Variants in DOCK2 observed in about 807,000 individuals in gnomAD.
DOCK2 encodes the protein dedicator of cytokinesis 2.
A neutral mutation model predicts 248.9 loss-of-function variants in DOCK2; 87 were observed. The ratio of observed to expected loss-of-function variants is 0.35; its 90% CI spans 0.29 to 0.42. The LOEUF (loss-of-function observed/expected upper bound fraction) is 0.42, where lower values mean the gene tolerates loss of function less well. Among genes scored for constraint, DOCK2 ranks in the 10% least tolerant of loss-of-function variants. The pLI is 1.00. For synonymous variants in DOCK2, 805 were observed against 821.6 expected (o/e 0.98, Z 0.35); for missense variants, 1,747 against 2,300.2 (o/e 0.76, Z 4.92).
At chr5:169,910,484 G>A (rs1774532887) in intron 27 of DOCK2, among the ~76,000 whole-genome samples, 1 of 152,164 alleles carries the variant, frequency 6.6e-6, no homozygotes, top group African/African-American at 2.4e-5. Flanking sequence ...TGTGGTTGGA[G>A]GCGTGCTTAC....
In DOCK2 at chr5:169,747,478, C is replaced by G; in HGVS notation, c.2350C>G (p.Gln784Glu). The change falls in exon 23 of 52, where the codon CAA (glutamine) becomes GAA (glutamate). Residue 784 changes from glutamine (Q) to glutamate (E), a missense_variant. This residue lies in a region of DOCK2 where 858 missense variants were observed against 1,183.5 expected (regional missense o/e 0.72). Transcript: ENST00000520908. ...FESINNLMKS[Q>E]YKTTILLQVA... ...ATCCATCAACAATCTGATGAAAAGT[C>G]AATACAAAACTACCATCCTTTTGCA... 4 of 1,613,464 alleles carry G rather than the reference C, an allele frequency of 2.5e-6. No homozygotes were observed. Among genetic ancestry groups the G allele is most frequent in the Non-Finnish European group, 3.4e-6 (4 of 1,179,758 alleles).
At chr5:169,922,157 C>G (rs112448323) in intron 27 of DOCK2, among the ~76,000 whole-genome samples, 3,486 of 152,302 alleles carry the variant, frequency 0.023, 55 homozygotes, top group Middle Eastern at 0.065. Context: ...TCAATATTTG[C>G]ATAGCTAGGG....
intron 44 of DOCK2, among the ~76,000 whole-genome samples, chr5:170,061,093 C>A (rs1283332927): frequency 6.6e-6 from 1 of 152,236 alleles, no homozygotes; most frequent in Non-Finnish European, 1.5e-5. Flanking sequence ...AGATCACTTT[C>A]TCTTTCATCT....
At chr5:169,864,906 G>A (rs1771446166) in intron 27 of DOCK2, among the ~76,000 whole-genome samples, 1 of 152,160 alleles carries the variant, frequency 6.6e-6, no homozygotes, top group African/African-American at 2.4e-5. Context: ...GCTTTCTTTG[G>A]AATTAATGTG....
chr5:170,081,775 T>A, intron 50 of DOCK2, 67 bp from the exon 51 acceptor site: 56 of 937,460 alleles, frequency 6.0e-5, no homozygotes, highest in Non-Finnish European at 7.5e-5. Context: ...TCCCCCTGTC[T>A]ACCTCCCCCA....
At chr5:169,983,038 A>C (rs755165028) in intron 27 of DOCK2, 30 bp from the exon 28 acceptor site, 1 of 1,610,580 alleles carries the variant, frequency 6.2e-7, no homozygotes, top group African/African-American at 1.3e-5. Flanking sequence ...TCTCTCAACT[A>C]TTTATAGTAT....
intron 27 of DOCK2, among the ~76,000 whole-genome samples, chr5:169,879,300 A>G (rs1772504429): frequency 2.0e-5 from 3 of 152,042 alleles, no homozygotes; most frequent in Admixed American, 2.0e-4. Flanking sequence ...CACATCACTT[A>G]TTCATTCGTT....
chr5:169,906,662 T>C (rs751132018), intron 27 of DOCK2, among the ~76,000 whole-genome samples: 25 of 152,162 alleles, frequency 1.6e-4, no homozygotes, highest in Non-Finnish European at 2.9e-4. Context: ...ACAAATTACC[T>C]TGATGAAAGT....
chr5:169,666,897 G>A (rs531085533), intron 2 of DOCK2, among the ~76,000 whole-genome samples: 244 of 152,326 alleles, frequency 1.6e-3, no homozygotes, highest in Non-Finnish European at 3.0e-3. Context: ...CATAGTTGGT[G>A]CACAATTAAT....
At chr5:169,862,164 C>T (rs996713195) in intron 27 of DOCK2, among the ~76,000 whole-genome samples, 3 of 152,142 alleles carry the variant, frequency 2.0e-5, no homozygotes, top group Admixed American at 6.5e-5. Context: ...TAATGTGGAA[C>T]GTGCTAAGAG....
At chr5:169,886,387 A>G (rs1324164495) in intron 27 of DOCK2, among the ~76,000 whole-genome samples, 3 of 152,220 alleles carry the variant, frequency 2.0e-5, no homozygotes, top group African/African-American at 4.8e-5. Flanking sequence ...CTATGTTTCA[A>G]TGACTTTGTG....
intron 27 of DOCK2, among the ~76,000 whole-genome samples, chr5:169,858,429 C>T (rs1771009791): frequency 1.3e-5 from 2 of 152,060 alleles, no homozygotes; most frequent in South Asian, 4.2e-4. Flanking sequence ...GTATTGAAGG[C>T]AGGAGGAACA....
Position 170,082,848 on chromosome 5 carries a change from C to T in DOCK2, c.5483C>T (p.Thr1828Met), listed in dbSNP as rs202005409. The T allele has an allele frequency of 7.6e-5, 123 of 1,614,178 alleles. No homozygotes were observed. In the East Asian group the frequency reaches 9.4e-4, roughly 12 times the overall value. The change falls in exon 52 of 52, where the codon ACG becomes ATG. Residue 1828 changes from threonine (T) to methionine (M), a missense_variant. Around this residue, in one of 4 missense-constraint regions of DOCK2, gnomAD observed 513 missense variants for 586.1 expected, o/e 0.88. Coordinates refer to ENST00000520908, the MANE Select transcript of DOCK2 (RefSeq NM_004946.3). ...AAACAGATCCCAGACTCGCTGTCCACGGACCTGTGAGCTGCTGCTGACTAG... is the reference window on the plus strand; with the variant it reads ...AAACAGATCCCAGACTCGCTGTCCATGGACCTGTGAGCTGCTGCTGACTAG... The part of the protein sequence containing the change: ...EGKQIPDSLS[T>M]DL
intron 27 of DOCK2, among the ~76,000 whole-genome samples, chr5:169,849,245 C>A (rs1412921838): frequency 6.6e-6 from 1 of 152,212 alleles, no homozygotes; most frequent in Admixed American, 6.5e-5. Flanking sequence ...GTGTGTTTTA[C>A]CTTACTTCAC....
At chr5:169,870,105 G>A (rs1207894364) in intron 27 of DOCK2, among the ~76,000 whole-genome samples, 1 of 152,200 alleles carries the variant, frequency 6.6e-6, no homozygotes, top group African/African-American at 2.4e-5. Flanking sequence ...CTGTGGTTTA[G>A]GGATGCTCAG....
At chr5:169,709,689 C>A (rs1761472771) in intron 15 of DOCK2, among the ~76,000 whole-genome samples, 1 of 152,012 alleles carries the variant, frequency 6.6e-6, no homozygotes, top group Non-Finnish European at 1.5e-5. Context: ...CCACTGCACT[C>A]CAGCCTAGGT....
chr5:169,715,191 C>T (rs1366894245), intron 19 of DOCK2, among the ~76,000 whole-genome samples: 6 of 152,254 alleles, frequency 3.9e-5, no homozygotes, highest in East Asian at 1.9e-4. Flanking sequence ...GAATAGAAAG[C>T]GTCTGAAGTG....
chr5:169,988,282 A>G (rs1778120283), intron 29 of DOCK2, among the ~76,000 whole-genome samples: 1 of 152,046 alleles, frequency 6.6e-6, no homozygotes, highest in South Asian at 2.1e-4. Context: ...ACATTTATTA[A>G]GTACCGAGAT....
rs1165247697 is a variant in DOCK2 at position 170,027,741 on chromosome 5, C to A, written c.3382-122C>A. 5 of 880,852 alleles carry A rather than the reference C, an allele frequency of 5.7e-6. No homozygotes were observed. In the African/African-American group the frequency reaches 6.8e-5, roughly 12 times the overall value. 54.6% of individuals were successfully genotyped at this position (880,852 alleles called of 1,614,324 possible). ...TCTGTTCCATTTTGCATTCCCAGATCCCAGCACTCAACCTGGGAGATAAAG... is the reference window on the plus strand; with the variant it reads ...TCTGTTCCATTTTGCATTCCCAGATACCAGCACTCAACCTGGGAGATAAAG... On this transcript the variant is annotated intron_variant, in intron 33 of 51. Coordinates refer to ENST00000520908, the MANE Select transcript of DOCK2 (RefSeq NM_004946.3).
Sources: gnomAD v4.1 joint callset for allele counts (sites outside exome capture counted in the v4.1 genomes callset) on GRCh38, gnomAD v4.1.1 for gene constraint, gnomAD v4.1.1 regional missense constraint, MANE v1.5 for transcripts, NCBI Gene and HGNC (gene_info 2026-07-23, HGNC 2026-07-21) for gene names.